The following RBPJ variants were observed in gnomAD, a reference collection of about 807,000 sequenced individuals.
The protein encoded by RBPJ is recombination signal binding protein for immunoglobulin kappa J region, also known as recombining binding protein suppressor of hairless.
RBPJ carries 9 observed loss-of-function variants against 67.8 expected under a neutral mutation model. That is an observed-to-expected ratio of 0.13 (90% CI 0.08 to 0.23). The LOEUF is 0.23. Among genes scored for constraint, RBPJ ranks in the 10% least tolerant of loss-of-function variants. RBPJ has a pLI of 1.00. For missense variants in RBPJ, 305 were observed against 595.6 expected (o/e 0.51, Z 5.08); for synonymous variants, 198 against 203.3 (o/e 0.97, Z 0.22).
chr4:26,282,134 C>CTTTTTTTTTTT (rs758435674), intron 1 of RBPJ, among the ~76,000 whole-genome samples: 1 of 126,590 alleles, frequency 7.9e-6, no homozygotes, highest in African/African-American at 3.2e-5. Flanking sequence ...CTCTCTCTCT[C>CTTTTTTTTTTT]TCTTTTTTTT....
the RBPJ span, among the ~76,000 whole-genome samples, chr4:26,144,119 T>G: frequency 6.6e-6 from 1 of 152,184 alleles, no homozygotes; most frequent in Non-Finnish European, 1.5e-5. Flanking sequence ...AAAGTTTTCA[T>G]GCAATTTGAA....
intron 1 of RBPJ, among the ~76,000 whole-genome samples, chr4:26,354,675 C>T (rs1172835998): frequency 6.6e-6 from 1 of 152,050 alleles, no homozygotes; most frequent in African/African-American, 2.4e-5. Flanking sequence ...GTCATGAACT[C>T]CTGACCTCAA....
chr4:26,223,851 G>T (rs1352308674), intron 1 of RBPJ, among the ~76,000 whole-genome samples: 1 of 152,204 alleles, frequency 6.6e-6, no homozygotes, highest in Non-Finnish European at 1.5e-5. Flanking sequence ...GCACAGAAAG[G>T]ATCATCACAT....
upstream of RBPJ, among the ~76,000 whole-genome samples, chr4:26,160,235 A>G (rs1043393821): frequency 3.9e-5 from 6 of 152,214 alleles, no homozygotes; most frequent in African/African-American, 7.2e-5. Context: ...TTTCTCTTTA[A>G]GGAGATAATG....
At chr4:26,365,630 C>T (rs1669693167) in intron 1 of RBPJ, among the ~76,000 whole-genome samples, 1 of 152,116 alleles carries the variant, frequency 6.6e-6, no homozygotes, top group South Asian at 2.1e-4. Flanking sequence ...TTTAGTTCCA[C>T]TAAGTGTATG....
intron 1 of RBPJ, among the ~76,000 whole-genome samples, chr4:26,237,619 G>T (rs754841877): frequency 2.0e-5 from 3 of 152,174 alleles, no homozygotes; most frequent in Non-Finnish European, 2.9e-5. Context: ...GATAAGTGAA[G>T]AAACAGGGTT....
chr4:26,231,480 C>T (rs1459802185), intron 1 of RBPJ, among the ~76,000 whole-genome samples: 2 of 150,024 alleles, frequency 1.3e-5, no homozygotes, highest in Non-Finnish European at 3.0e-5. Context: ...GGCAAGATCT[C>T]GGCTCACTGC....
intron 1 of RBPJ, among the ~76,000 whole-genome samples, chr4:26,245,584 G>A (rs949721201): frequency 1.1e-4 from 16 of 152,246 alleles, no homozygotes; most frequent in African/African-American, 3.9e-4. Context: ...TGATTTTGAT[G>A]AAGTTCAGTT....
chr4:26,204,447 G>T (rs1718098157), intron 1 of RBPJ, among the ~76,000 whole-genome samples: 1 of 152,164 alleles, frequency 6.6e-6, no homozygotes, highest in African/African-American at 2.4e-5. Flanking sequence ...CGCCTTACTG[G>T]TCCTTGGGGA....
chr4:26,137,396 T>A, the RBPJ span, among the ~76,000 whole-genome samples: 1 of 152,186 alleles, frequency 6.6e-6, no homozygotes, highest in African/African-American at 2.4e-5. Flanking sequence ...TGTGTAGGCC[T>A]TGAACTTCTT....
intron 4 of RBPJ, among the ~76,000 whole-genome samples, chr4:26,416,162 G>A (rs529573475): frequency 4.6e-4 from 70 of 152,266 alleles, no homozygotes; most frequent in African/African-American, 1.6e-3. Context: ...ATTTTAGTGC[G>A]TGGCAGGGGT....
At chr4:26,381,981 C>A (rs1283150547) in intron 1 of RBPJ, among the ~76,000 whole-genome samples, 1 of 152,060 alleles carries the variant, frequency 6.6e-6, no homozygotes, top group African/African-American at 2.4e-5. Context: ...TTCTTTGTTA[C>A]AATGAGGAAT....
intron 1 of RBPJ, among the ~76,000 whole-genome samples, chr4:26,231,197 G>C (rs73114507): frequency 2.6e-3 from 393 of 152,280 alleles, no homozygotes; most frequent in African/African-American, 9.2e-3. Flanking sequence ...TAGGAGAAAG[G>C]CTAGAGCCTC....
chr4:26,212,428 T>A (rs1434457067), intron 1 of RBPJ, among the ~76,000 whole-genome samples: 4 of 57,832 alleles, frequency 6.9e-5, no homozygotes, highest in Non-Finnish European at 1.3e-4. Flanking sequence ...TTTTCTTTTC[T>A]TTTCTTTTTT....
At chr4:26,342,684 C>A (rs1725671485) in intron 1 of RBPJ, among the ~76,000 whole-genome samples, 1 of 152,094 alleles carries the variant, frequency 6.6e-6, no homozygotes, top group Non-Finnish European at 1.5e-5. Flanking sequence ...TTTTTTTTGT[C>A]TCCCTGTTTC....
chr4:26,292,073 G>A (rs1721689305), intron 1 of RBPJ, among the ~76,000 whole-genome samples: 1 of 150,502 alleles, frequency 6.6e-6, no homozygotes, highest in Non-Finnish European at 1.5e-5. Context: ...TTAATGTGTG[G>A]TGAAAATATT....
chr4:26,252,910 T>G (rs946602316), intron 1 of RBPJ, among the ~76,000 whole-genome samples: 7 of 152,228 alleles, frequency 4.6e-5, no homozygotes, highest in Non-Finnish European at 1.0e-4. Flanking sequence ...TAGGCTGGAT[T>G]TGCTTCCTGA....
intron 1 of RBPJ, among the ~76,000 whole-genome samples, chr4:26,353,090 AC>A (rs1726974872): frequency 6.6e-6 from 1 of 152,278 alleles, no homozygotes; most frequent in South Asian, 2.1e-4. Flanking sequence ...ACTACTTGCA[AC>A]AAAGAAAGGC....
upstream of RBPJ, among the ~76,000 whole-genome samples, chr4:26,159,765 A>C (rs76085095): frequency 6.6e-6 from 1 of 152,138 alleles, no homozygotes; most frequent in Non-Finnish European, 1.5e-5. Context: ...CTTATCTTTC[A>C]TATATCAGTA....
Sources: allele counts gnomAD v4.1 joint callset (sites outside exome capture counted in the v4.1 genomes callset), GRCh38; gene constraint gnomAD v4.1.1; transcripts MANE v1.5; gene names NCBI Gene and HGNC (gene_info 2026-07-23, HGNC 2026-07-21).